The following CLVS1 variants were observed in gnomAD, a reference collection of about 807,000 sequenced individuals.
CLVS1 encodes clavesin 1, also known as clavesin-1.
Under a neutral mutation model 33.1 loss-of-function variants are expected in CLVS1, and 10 were observed. That is an observed-to-expected ratio of 0.30 (90% CI 0.19 to 0.51). The LOEUF (loss-of-function observed/expected upper bound fraction) is 0.51. Ranked by LOEUF, CLVS1 falls within the 20% of genes least tolerant of loss-of-function variation. The pLI is 0.97. For missense variants in CLVS1, 343 were observed against 433.4 expected (o/e 0.79, Z 1.85); for synonymous variants, 163 against 166.1 (o/e 0.98, Z 0.14).
At chr8:61,390,812 C>T (rs1814272470) in intron 3 of CLVS1, among the ~76,000 whole-genome samples, 2 of 152,180 alleles carry the variant, frequency 1.3e-5, no homozygotes, top group Non-Finnish European at 2.9e-5. Context: ...TATCTCATCA[C>T]AAATATTTTT....
At chr8:61,000,949 G>T in the CLVS1 span, among the ~76,000 whole-genome samples, 2 of 152,226 alleles carry the variant, frequency 1.3e-5, no homozygotes, top group East Asian at 3.9e-4. Flanking sequence ...ACTCAGTCAG[G>T]TTCTTCCTGG....
the CLVS1 span, among the ~76,000 whole-genome samples, chr8:61,051,339 G>T: frequency 6.6e-6 from 1 of 152,256 alleles, no homozygotes; most frequent in African/African-American, 2.4e-5. Flanking sequence ...GGACTTGAGG[G>T]TTGCTAAGGC....
chr8:61,224,664 C>T (rs1314867647), intron 2 of CLVS1, among the ~76,000 whole-genome samples: 1 of 152,162 alleles, frequency 6.6e-6, no homozygotes, highest in East Asian at 1.9e-4. Context: ...GCATAGGGAG[C>T]AGGACCCATT....
At chr8:61,477,039 C>A (rs1319557640) in intron 5 of CLVS1, among the ~76,000 whole-genome samples, 7 of 152,276 alleles carry the variant, frequency 4.6e-5, no homozygotes, top group African/African-American at 1.7e-4. Flanking sequence ...GCCTTTTCTG[C>A]ATCTATTGAG....
At position 61,299,938 on chromosome 8, in the gene CLVS1, A is replaced by T; in HGVS notation, c.111A>T (p.Lys37Asn). The T allele has an allele frequency of 6.2e-7, 1 of 1,614,044 alleles. No individual in the cohort carries two copies. The highest frequency in any genetic ancestry group is 1.3e-5 in the African/African-American group (1 of 75,022). The part of the protein sequence containing the change: ...QAGLSPETIE[K>N]ARLELNENPD... ...GACTCAGTCCAGAGACTATAGAGAA[A>T]GCTCGCCTGGAACTGAATGAAAACC... The change falls in exon 2 of 6, where the codon AAA becomes AAT. Residue 37 changes from lysine (K) to asparagine (N), a missense_variant. Around this residue, in one of 4 missense-constraint regions of CLVS1, gnomAD observed 88 missense variants for 77.3 expected, o/e 1.14. Coordinates refer to ENST00000325897, the MANE Select transcript of CLVS1 (RefSeq NM_173519.3).
chr8:61,048,672 C>A, the CLVS1 span, among the ~76,000 whole-genome samples: 1 of 152,110 alleles, frequency 6.6e-6, no homozygotes, highest in African/African-American at 2.4e-5. Flanking sequence ...CCTTTTGCAT[C>A]AAGCAGTGGT....
the CLVS1 span, among the ~76,000 whole-genome samples, chr8:61,002,327 GTTTTTTTTTTT>G: frequency 1.0e-5 from 1 of 98,818 alleles, no homozygotes; most frequent in Non-Finnish European, 1.9e-5. Flanking sequence ...ATGCTTGCTT[GTTTTTTTTTTT>G]TTTTTTTTTT....
At chr8:61,282,935 C>T (rs922730936) in intron 2 of CLVS1, among the ~76,000 whole-genome samples, 3 of 152,202 alleles carry the variant, frequency 2.0e-5, no homozygotes, top group Non-Finnish European at 2.9e-5. Context: ...GCTTCATTCC[C>T]TCCTACCCAG....
chr8:61,206,299 C>T (rs971585153), intron 2 of CLVS1, among the ~76,000 whole-genome samples: 2 of 152,258 alleles, frequency 1.3e-5, no homozygotes, highest in South Asian at 4.2e-4. Context: ...CGTCATTAAT[C>T]CAATGAGTAT....
the CLVS1 span, among the ~76,000 whole-genome samples, chr8:61,023,097 G>A: frequency 1.3e-5 from 2 of 152,194 alleles, no homozygotes; most frequent in African/African-American, 4.8e-5. Context: ...AAAATTTAGG[G>A]AGGAAAATAA....
chr8:61,424,116 C>A (rs1411699452), intron 3 of CLVS1, among the ~76,000 whole-genome samples: 2 of 152,310 alleles, frequency 1.3e-5, no homozygotes, highest in East Asian at 3.9e-4. Context: ...AACCTGTTAG[C>A]AAGTTCACTC....
At chr8:61,345,715 A>G (rs1245226652) in intron 2 of CLVS1, among the ~76,000 whole-genome samples, 1 of 151,482 alleles carries the variant, frequency 6.6e-6, no homozygotes, top group Non-Finnish European at 1.5e-5. Flanking sequence ...TGTTTTAGGG[A>G]AAGAATAGTC....
At chr8:61,430,376 C>T (rs1186450792) in intron 3 of CLVS1, among the ~76,000 whole-genome samples, 2 of 152,110 alleles carry the variant, frequency 1.3e-5, no homozygotes, top group Admixed American at 6.6e-5. Context: ...CTGGGCCCAT[C>T]CAGCATGGAG....
intron 2 of CLVS1, among the ~76,000 whole-genome samples, chr8:61,183,792 G>A (rs2931308): frequency 0.16 from 24,348 of 152,070 alleles, 2,160 homozygotes; most frequent in Admixed American, 0.25. Flanking sequence ...CCCCCACCCC[G>A]AATGAGTAAG....
intron 3 of CLVS1, among the ~76,000 whole-genome samples, chr8:61,451,850 A>G (rs1271906177): frequency 1.4e-5 from 2 of 139,968 alleles, no homozygotes; most frequent in Non-Finnish European, 1.6e-5. Context: ...GAGAGAGAAC[A>G]GAGAGTAGCA....
At chr8:61,308,396 A>T (rs1393856684) in intron 2 of CLVS1, among the ~76,000 whole-genome samples, 2 of 152,242 alleles carry the variant, frequency 1.3e-5, no homozygotes, top group South Asian at 4.2e-4. Flanking sequence ...AGATGTTTCA[A>T]AATATCCATG....
Position 61,484,823 on chromosome 8 carries a change from G to C in CLVS1, c.978-14632G>C, listed in dbSNP as rs548535303. On this transcript the variant is annotated intron_variant, in intron 5 of 5. Transcript: ENST00000325897. Reference sequence around the variant, plus strand: ...CAACCACCTGATCTTTGACAAACCTGACAAAAACAAGCAATGGGGAAAGGA... The same window carrying C: ...CAACCACCTGATCTTTGACAAACCTCACAAAAACAAGCAATGGGGAAAGGA... Among the ~76,000 whole-genome samples the C allele has an allele frequency of 3.3e-4, 50 of 152,272 alleles. No homozygotes were observed. In the East Asian group the frequency reaches 8.1e-3, roughly 25 times the overall value.
chr8:61,226,544 A>G (rs2129310863), intron 2 of CLVS1, among the ~76,000 whole-genome samples: 1 of 152,322 alleles, frequency 6.6e-6, no homozygotes, highest in East Asian at 1.9e-4. Flanking sequence ...ACTTTGTGGA[A>G]CCTGAGTAGT....
At chr8:60,981,704 A>G in the CLVS1 span, among the ~76,000 whole-genome samples, 1 of 152,256 alleles carries the variant, frequency 6.6e-6, no homozygotes, top group Non-Finnish European at 1.5e-5. Flanking sequence ...ATTTTAGTTC[A>G]TGAACCTCTG....
Sources: allele counts gnomAD v4.1 joint callset (sites outside exome capture counted in the v4.1 genomes callset), GRCh38; gene constraint gnomAD v4.1.1; regional missense constraint gnomAD v4.1.1; transcripts MANE v1.5; gene names NCBI Gene and HGNC (gene_info 2026-07-23, HGNC 2026-07-21).